DLG1: variants seen among roughly 807,000 people sequenced by gnomAD.
DLG1 encodes discs large MAGUK scaffold protein 1, also known as disks large homolog 1.
A neutral mutation model predicts 123.4 loss-of-function variants in DLG1; 42 were observed. That is an observed-to-expected ratio of 0.34 (90% CI 0.27 to 0.44). The LOEUF is 0.44. DLG1 is among the 20% of genes least tolerant of loss of function. The pLI is 1.00. For missense variants in DLG1, 942 were observed against 1,082.6 expected (o/e 0.87, Z 1.82); for synonymous variants, 317 against 356.2 (o/e 0.89, Z 1.24).
At chr3:197,235,506 A>C (rs1182711238) in intron 4 of DLG1, among the ~76,000 whole-genome samples, 1 of 152,222 alleles carries the variant, frequency 6.6e-6, no homozygotes, top group African/African-American at 2.4e-5. Flanking sequence ...AGGGGCCTCA[A>C]TAAACACTTG....
chr3:197,297,257 G>C, intron 1 of DLG1, 22 bp from the exon 2 acceptor site: 1 of 1,610,302 alleles, frequency 6.2e-7, no homozygotes, highest in Non-Finnish European at 8.5e-7. Context: ...ACAACGGAAA[G>C]GAAAAAGGAT....
chr3:197,173,371 T>C (rs1417486789), intron 5 of DLG1, among the ~76,000 whole-genome samples: 2 of 152,214 alleles, frequency 1.3e-5, no homozygotes, highest in African/African-American at 4.8e-5. Flanking sequence ...TCTCATTTAA[T>C]TCTCATTAAA....
chr3:197,086,683 G>T (rs554766002), intron 15 of DLG1, among the ~76,000 whole-genome samples: 1 of 152,232 alleles, frequency 6.6e-6, no homozygotes, highest in South Asian at 2.1e-4. Context: ...GTTCTTTCAA[G>T]TCTTTTCGTG....
intron 6 of DLG1, among the ~76,000 whole-genome samples, chr3:197,148,411 G>GAAAAAAAA (rs780479244): frequency 4.7e-5 from 2 of 42,886 alleles, no homozygotes; most frequent in South Asian, 8.7e-4. Context: ...ACTGTCTCAA[G>GAAAAAAAA]AAAAAAAAAA....
intron 23 of DLG1, among the ~76,000 whole-genome samples, chr3:197,053,250 C>CTAG (rs1365418474): frequency 6.6e-6 from 1 of 152,176 alleles, no homozygotes; most frequent in Non-Finnish European, 1.5e-5. Flanking sequence ...GAGTTACTGT[C>CTAG]TAGTACTCTT....
At chr3:197,200,773 A>G (rs1281402363) in intron 4 of DLG1, among the ~76,000 whole-genome samples, 4 of 152,216 alleles carry the variant, frequency 2.6e-5, no homozygotes, top group Non-Finnish European at 5.9e-5. Flanking sequence ...AACATTCAAT[A>G]AAATTCAGCA....
chr3:197,175,143 GT>G (rs902463130), intron 5 of DLG1, among the ~76,000 whole-genome samples: 1 of 152,170 alleles, frequency 6.6e-6, no homozygotes, highest in African/African-American at 2.4e-5. Context: ...CTGCCAGTTG[GT>G]TTGTATTTGC....
chr3:197,297,854 G>T, intron 1 of DLG1: 1 of 985,298 alleles, frequency 1.0e-6, no homozygotes, highest in Non-Finnish European at 1.2e-6. Context: ...GGCCAGACTC[G>T]GAGCAGCTCC....
At chr3:197,134,039 T>C (rs909241809) in intron 10 of DLG1, among the ~76,000 whole-genome samples, 4 of 152,140 alleles carry the variant, frequency 2.6e-5, no homozygotes, top group African/African-American at 4.8e-5. Flanking sequence ...AAGGAAAACA[T>C]GGTAGCCAAG....
At chr3:197,130,962 G>A (rs1437963075) in intron 10 of DLG1, among the ~76,000 whole-genome samples, 8 of 152,060 alleles carry the variant, frequency 5.3e-5, no homozygotes, top group South Asian at 2.1e-4. Flanking sequence ...GTGTGGATGC[G>A]TTTTAGACAT....
chr3:197,241,590 A>G (rs1180134935), intron 4 of DLG1, among the ~76,000 whole-genome samples: 6 of 152,166 alleles, frequency 3.9e-5, no homozygotes, highest in Non-Finnish European at 8.8e-5. Flanking sequence ...CCAAAAGATA[A>G]ATCTATCAAA....
At chr3:197,288,743 A>ATACATACATAC (rs1553827363) in intron 3 of DLG1, among the ~76,000 whole-genome samples, 71 of 72,076 alleles carry the variant, frequency 9.9e-4, no homozygotes, top group South Asian at 2.1e-3. Context: ...AAAAAAAAAA[A>ATACATACATAC]ATACATACAT....
intron 4 of DLG1, among the ~76,000 whole-genome samples, chr3:197,208,181 A>G (rs1415842159): frequency 1.4e-5 from 2 of 146,698 alleles, no homozygotes. Context: ...AAGAGGATAA[A>G]TGTAAATTAA....
At chr3:197,286,555 G>A (rs1771954024) in intron 3 of DLG1, among the ~76,000 whole-genome samples, 1 of 152,196 alleles carries the variant, frequency 6.6e-6, no homozygotes, top group South Asian at 2.1e-4. Flanking sequence ...ACAGGTCTGT[G>A]GCACGGGAGT....
chr3:197,168,586 A>G (rs1006722643), intron 5 of DLG1, among the ~76,000 whole-genome samples: 1 of 152,242 alleles, frequency 6.6e-6, no homozygotes, highest in African/African-American at 2.4e-5. Flanking sequence ...TCTAACATAA[A>G]TAATGAAGCA....
In DLG1 at chr3:197,245,901, G is replaced by T. The variant is rs868448502; in HGVS notation, c.318+36778C>A. Among the ~76,000 whole-genome samples the T allele has an allele frequency of 3.9e-3, 206 of 53,488 alleles. 4 individuals are homozygous for T. The Middle Eastern group carries it at 0.081, about 21-fold the overall frequency. The allele number at this position is 53,488 out of a possible 152,430, so 35.1% of individuals were successfully genotyped here. On this transcript the variant is annotated intron_variant, in intron 4 of 24. Transcript: ENST00000667157. ...ACATGGACAATACTTTTTTTTTTTT[G>T]GGGGGGGGGGAGGTGGCAAATGAAG...
chr3:197,059,827 T>C, intron 23 of DLG1, 62 bp downstream of exon 23: 2 of 1,090,588 alleles, frequency 1.8e-6, no homozygotes, highest in Non-Finnish European at 2.7e-6. Flanking sequence ...GGAGAGTAAA[T>C]AAATTACCCT....
chr3:197,291,652 G>A (rs1285593984), intron 3 of DLG1, among the ~76,000 whole-genome samples: 1 of 152,170 alleles, frequency 6.6e-6, no homozygotes, highest in Non-Finnish European at 1.5e-5. Flanking sequence ...ATATCCCAAT[G>A]GTTGACGGTG....
At chr3:197,139,794 T>C (rs111456935) in intron 8 of DLG1, among the ~76,000 whole-genome samples, 4 of 90,998 alleles carry the variant, frequency 4.4e-5, no homozygotes, top group African/African-American at 5.9e-5. Context: ...TTTATACACA[T>C]GTTTCCCAGC....
Sources: allele counts gnomAD v4.1 joint callset (sites outside exome capture counted in the v4.1 genomes callset), GRCh38; gene constraint gnomAD v4.1.1; transcripts MANE v1.5; gene names NCBI Gene and HGNC (gene_info 2026-07-23, HGNC 2026-07-21).